Variants in PCDHGA3 observed in about 807,000 individuals in gnomAD.
PCDHGA3 encodes protocadherin gamma-A3.
PCDHGA3 carries 40 observed loss-of-function variants against 58.5 expected under a neutral mutation model. The observed-to-expected ratio is 0.68, with a 90% confidence interval of 0.53 to 0.89. The LOEUF (loss-of-function observed/expected upper bound fraction) is 0.89, where lower values mean the gene tolerates loss of function less well. Ranked by LOEUF, PCDHGA3 falls within the 40% of genes least tolerant of loss-of-function variation. The probability of loss-of-function intolerance (pLI) is 0.00; values close to 1 mark genes in which losing one functional copy is unlikely to be tolerated. For synonymous variants in PCDHGA3, 530 were observed against 525.7 expected, an observed-to-expected ratio of 1.01 and a Z score of -0.11; for missense variants, 1,223 against 1,195.9, an observed-to-expected ratio of 1.02 and a Z score of -0.33.
At chr5:141,352,653 C>G in intron 1 of PCDHGA3, 2 of 1,597,500 alleles carry the variant, frequency 1.3e-6, no homozygotes, top group Non-Finnish European at 1.7e-6. Context: ...GCTTATGACC[C>G]TTCTTTGTCT....
rs375404779 is a variant in PCDHGA3 at position 141,419,760 on chromosome 5, A to T, written c.2424+73303A>T. 11 of 1,613,876 alleles carry T rather than the reference A, an allele frequency of 6.8e-6. No homozygotes were observed. The highest frequency in any genetic ancestry group is 9.3e-6 in the Non-Finnish European group (11 of 1,179,904). On this transcript the variant is annotated intron_variant, in intron 1 of 3. Coordinates refer to ENST00000253812, the MANE Select transcript of PCDHGA3 (RefSeq NM_018916.4). ...GTGCGCATGGTGCGTGCTTTGGGTG[A>T]CAAGGACTCGGTCCGCCAGCGCCTG...
At chr5:141,484,454 G>T (rs932663778) in intron 1 of PCDHGA3, among the ~76,000 whole-genome samples, 2 of 152,212 alleles carry the variant, frequency 1.3e-5, no homozygotes, top group Non-Finnish European at 2.9e-5. Context: ...AATTGGCTAC[G>T]TTAATGTGTA....
At chr5:141,509,544 A>AT (rs1312201678) in intron 3 of PCDHGA3, among the ~76,000 whole-genome samples, 1 of 152,150 alleles carries the variant, frequency 6.6e-6, no homozygotes, top group Non-Finnish European at 1.5e-5. Context: ...GCACCATCTC[A>AT]TTTAGTCCTC....
Position 141,345,686 on chromosome 5 carries a change from C to T in PCDHGA3, c.1653C>T (p.Phe551=), listed in dbSNP as rs1470833777. The T allele has an allele frequency of 5.6e-6, 9 of 1,614,238 alleles. No individual in the cohort carries two copies. The Middle Eastern group carries it at 4.9e-4, about 89-fold the overall frequency. Residue 551 remains phenylalanine (F), a synonymous_variant, in exon 1 of 4, where the codon TTC becomes TTT. Coordinates refer to ENST00000253812, the MANE Select transcript of PCDHGA3 (RefSeq NM_018916.4). ...PLSSNVSLNL[F]VLDQNDNAPE... ...GCAGCAACGTGTCGCTGAACCTGTTCGTGCTGGACCAGAACGACAACGCGC... is the reference window on the plus strand; with the variant it reads ...GCAGCAACGTGTCGCTGAACCTGTTTGTGCTGGACCAGAACGACAACGCGC...
Position 141,476,091 on chromosome 5 carries a change from G to T in PCDHGA3, c.2425-18716G>T, listed in dbSNP as rs1470774975. The T allele has an allele frequency of 1.3e-6, 2 of 1,563,074 alleles. No homozygotes were observed. Among genetic ancestry groups the T allele is most frequent in the Non-Finnish European group, 1.7e-6 (2 of 1,159,286 alleles). On this transcript the variant is annotated intron_variant, in intron 1 of 3. Coordinates refer to ENST00000253812, the MANE Select transcript of PCDHGA3 (RefSeq NM_018916.4). This position sits in a 1 kb window ranked among gnomAD's most constrained non-coding sequence, Gnocchi z 7.6. ...AAATCTCAGGGACGATCTGGACCCC[G>T]CTGAGAGGAACTGCTTTTGAGTGAG...
At chr5:141,353,394 T>A (rs918284618) in intron 1 of PCDHGA3, among the ~76,000 whole-genome samples, 2 of 152,252 alleles carry the variant, frequency 1.3e-5, no homozygotes, top group Non-Finnish European at 2.9e-5. Context: ...AATTATGTAA[T>A]TAATGTAATC....
intron 1 of PCDHGA3, among the ~76,000 whole-genome samples, chr5:141,438,921 C>T (rs1204218608): frequency 6.6e-6 from 1 of 151,970 alleles, no homozygotes; most frequent in Non-Finnish European, 1.5e-5. Context: ...CTGCCTTGGC[C>T]TCCCAAAGTG....
intron 1 of PCDHGA3, chr5:141,393,901 G>T: frequency 6.2e-7 from 1 of 1,613,894 alleles, no homozygotes; most frequent in Non-Finnish European, 8.5e-7. Context: ...TCTCTTCCCG[G>T]GACAGTAATT....
rs140056243 is a variant in PCDHGA3 at position 141,487,386 on chromosome 5, G to A, written c.2425-7421G>A. 21 of 1,614,046 alleles carry A rather than the reference G, an allele frequency of 1.3e-5. No individual in the cohort carries two copies. The highest frequency in any genetic ancestry group is 4.0e-5 in the African/African-American group (3 of 74,920). On this transcript the variant is annotated intron_variant, in intron 1 of 3. Coordinates refer to ENST00000253812, the MANE Select transcript of PCDHGA3 (RefSeq NM_018916.4). The surrounding 1 kb of genome is among the most constrained non-coding windows in gnomAD (Gnocchi z 5.0). Reference sequence around the variant, plus strand: ...ACCTGTGCCTGTCTCACCAGATCTCGAAGGAGGGAGGGGCTTCCCCCTTCC... The same window carrying A: ...ACCTGTGCCTGTCTCACCAGATCTCAAAGGAGGGAGGGGCTTCCCCCTTCC...
chr5:141,439,297 G>T (rs1252051365), intron 1 of PCDHGA3, among the ~76,000 whole-genome samples: 1 of 152,064 alleles, frequency 6.6e-6, no homozygotes, highest in African/African-American at 2.4e-5. Context: ...CATGGAAAAA[G>T]TAAAGCCCAG....
At chr5:141,350,112 G>A (rs1012819239) in intron 1 of PCDHGA3, 12 of 553,854 alleles carry the variant, frequency 2.2e-5, no homozygotes, top group African/African-American at 1.9e-5. Context: ...TTCCTGCTTT[G>A]TCCGGTGCAC....
intron 2 of PCDHGA3, among the ~76,000 whole-genome samples, chr5:141,496,827 C>A (rs1595415247): frequency 6.6e-6 from 1 of 151,780 alleles, no homozygotes; most frequent in East Asian, 1.9e-4. Context: ...TAGATGTGAT[C>A]CCAGAACTCA....
rs1014758036 is a variant in PCDHGA3 at position 141,486,472 on chromosome 5, T to C, written c.2425-8335T>C. The C allele has an allele frequency of 6.2e-7, 1 of 1,614,032 alleles. No homozygotes were observed. Among genetic ancestry groups the C allele is most frequent in the Non-Finnish European group, 8.5e-7 (1 of 1,179,862 alleles). ...TCACTGCTTCTGATGCTGGGAACCC[T>C]CCTCTCAGTACCCACAGAACTATTT... On this transcript the variant is annotated intron_variant, in intron 1 of 3. Coordinates refer to ENST00000253812, the MANE Select transcript of PCDHGA3 (RefSeq NM_018916.4). This position sits in a 1 kb window ranked among gnomAD's most constrained non-coding sequence, Gnocchi z 5.0.
chr5:141,365,441 G>A (rs749640886), intron 1 of PCDHGA3: 7 of 1,613,952 alleles, frequency 4.3e-6, no homozygotes, highest in East Asian at 2.2e-5. Flanking sequence ...GCTGTTTAGC[G>A]TACATGATGG....
At chr5:141,478,513 G>A in intron 1 of PCDHGA3, 1 of 1,611,520 alleles carries the variant, frequency 6.2e-7, no homozygotes. Context: ...TCTATAGGCA[G>A]GTGTTGGGTG....
intron 1 of PCDHGA3, chr5:141,423,755 G>T (rs1236551808): frequency 9.8e-6 from 5 of 512,508 alleles, no homozygotes; most frequent in Non-Finnish European, 1.3e-5. Flanking sequence ...CTGTTTGGGG[G>T]GGGGGTGGGG....
chr5:141,420,187 CA>C (rs779974762), intron 1 of PCDHGA3: 25 of 1,613,706 alleles, frequency 1.5e-5, no homozygotes, highest in Non-Finnish European at 2.1e-5. Flanking sequence ...ATTGTCCAGC[CA>C]CACAAGATAA....
rs367926929 is a variant in PCDHGA3 at position 141,372,227 on chromosome 5, C to G, written c.2424+25770C>G. 4.8e-4 allele frequency: 778 copies of G among 1,613,442 alleles called. 3 individuals are homozygous for G. The African/African-American group carries it at 9.4e-3, about 19-fold the overall frequency. On this transcript the variant is annotated intron_variant, in intron 1 of 3. Coordinates refer to ENST00000253812, the MANE Select transcript of PCDHGA3 (RefSeq NM_018916.4). ...GGCTGTCCTACCACATTGTGCAGGC[C>G]AGCGAGCCCGGGCTGTTCAGCCTGG...
Position 141,366,209 on chromosome 5 carries a change from C to T in PCDHGA3, c.2424+19752C>T, listed in dbSNP as rs371864119. On this transcript the variant is annotated intron_variant, in intron 1 of 3. Transcript: ENST00000253812. ...GGTTGGGCTGCACACGGGCGAGGTG[C>T]GCACAGCGCGAGCCCTGCTGGACAG... is the stretch of plus-strand genomic sequence containing the variant. The T allele has an allele frequency of 2.5e-6, 4 of 1,613,698 alleles. No individual in the cohort carries two copies. In the African/African-American group the frequency reaches 5.3e-5, roughly 22 times the overall value.
Sources: allele counts gnomAD v4.1 joint callset (sites outside exome capture counted in the v4.1 genomes callset), GRCh38; gene constraint gnomAD v4.1.1; non-coding constraint Gnocchi (gnomAD v3.1); transcripts MANE v1.5; gene names NCBI Gene and HGNC (gene_info 2026-07-23, HGNC 2026-07-21).